Variants in NRAP observed in about 807,000 individuals in gnomAD.
NRAP encodes nebulin related anchoring protein, also known as nebulin-related-anchoring protein.
A neutral mutation model predicts 225.9 loss-of-function variants in NRAP; 189 were observed. The observed-to-expected ratio is 0.84, with a 90% CI of 0.74 to 0.94. The LOEUF is 0.94. Ranked by LOEUF, NRAP falls within the 40% of genes least tolerant of loss-of-function variation. NRAP has a pLI of 0.00. For synonymous variants in NRAP, 769 were observed against 790.7 expected (o/e 0.97, Z 0.46); for missense variants, 2,176 against 2,168.7 (o/e 1.00, Z -0.07).
At chr10:113,647,771 A>T (rs1395266063) in intron 9 of NRAP, among the ~76,000 whole-genome samples, 1 of 152,094 alleles carries the variant, frequency 6.6e-6, no homozygotes, top group Non-Finnish European at 1.5e-5. Flanking sequence ...CAATGTTTGT[A>T]ATATGGGAGG....
rs1847932584 is a variant in NRAP, at chr10:113,620,680, A to T, written c.2798T>A (p.Met933Lys). The stretch of plus-strand genomic sequence containing the variant: ...GGTGGCGACCCAGCCCATGCCTTTC[A>T]TCCACTTCACATCTGCCCTGTATTG... ...DNQYRADVKW[M>K]KGMGWVATGS... Residue 933 changes from methionine (M) to lysine (K), a missense_variant, in exon 25 of 42, where the codon ATG becomes AAG. Transcript: ENST00000359988. 2 of 1,612,672 alleles carry T rather than the reference A, an allele frequency of 1.2e-6. No homozygotes were observed. The highest frequency in any genetic ancestry group is 1.3e-5 in the African/African-American group (1 of 74,710).
intron 38 of NRAP, 92 bp downstream of exon 38, chr10:113,595,531 G>T (rs745599367): frequency 3.9e-6 from 3 of 774,886 alleles, no homozygotes; most frequent in African/African-American, 3.5e-5. Flanking sequence ...CTCCTTCCTA[G>T]AACTTTTTTT....
At chr10:113,597,728 G>T (rs1846364435) in intron 36 of NRAP, among the ~76,000 whole-genome samples, 2 of 152,204 alleles carry the variant, frequency 1.3e-5, no homozygotes, top group South Asian at 4.1e-4. Context: ...GATAACGATT[G>T]TACAAAATGT....
intron 40 of NRAP, among the ~76,000 whole-genome samples, chr10:113,590,070 C>A (rs1339012759): frequency 6.6e-6 from 1 of 152,162 alleles, no homozygotes; most frequent in Non-Finnish European, 1.5e-5. Context: ...GGTAGTGACA[C>A]CTGCTCCACA....
chr10:113,650,293 T>C (rs751364725), intron 8 of NRAP, 145 bp downstream of exon 8: 34 of 768,798 alleles, frequency 4.4e-5, no homozygotes, highest in Non-Finnish European at 6.7e-5. Context: ...GTCATTGTCA[T>C]TGGTAAAATT....
At chr10:113,628,665 A>G (rs1433869077) in intron 20 of NRAP, among the ~76,000 whole-genome samples, 1 of 152,158 alleles carries the variant, frequency 6.6e-6, no homozygotes, top group Non-Finnish European at 1.5e-5. Context: ...ACCTTTCTAA[A>G]CCAAATTATT....
Position 113,589,701 on chromosome 10 carries a change from C to A in NRAP, c.5053G>T (p.Ala1685Ser). ...VEMARRAAEL[A>S]NARGLGLQGA... ...TGGAGACCCAGGCCCCTTGCGTTGGCCAGTTCCGCAGCCCGCCGAGCCATT... is the reference window on the plus strand; with the variant it reads ...TGGAGACCCAGGCCCCTTGCGTTGGACAGTTCCGCAGCCCGCCGAGCCATT... The change falls in exon 41 of 42, where the codon GCC (alanine) becomes TCC (serine). Residue 1685 changes from alanine to serine, a missense_variant. Physicochemically the swap from Ala to Ser is moderately conservative, Grantham distance 99. This residue lies in a region of NRAP where 445 missense variants were observed against 426.1 expected (regional missense o/e 1.04). Coordinates refer to ENST00000359988, the MANE Select transcript of NRAP (RefSeq NM_198060.4). The A allele has an allele frequency of 1.2e-6, 2 of 1,614,128 alleles. No homozygotes were observed. The highest frequency in any genetic ancestry group is 1.7e-6 in the Non-Finnish European group (2 of 1,180,020).
In NRAP at chr10:113,604,684, C is replaced by CTGTGTCCT. The variant is rs762935147; in HGVS notation, c.4144_4151dup (p.Tyr1385GlyfsTer14). The CTGTGTCCT allele has an allele frequency of 1.9e-6, 3 of 1,614,214 alleles. No homozygotes were observed. The highest frequency in any genetic ancestry group is 2.5e-6 in the Non-Finnish European group (3 of 1,180,046). ...CGGGCAGTGCTGTGAACTTGTGATA[C>CTGTGTCCT]TGTGTCCTGTAGTCGTGGTCGCTGG... On this transcript the variant is annotated frameshift_variant, in exon 35 of 42. Coordinates refer to ENST00000359988, the MANE Select transcript of NRAP (RefSeq NM_198060.4). LOFTEE classifies it high-confidence loss of function.
intron 11 of NRAP, among the ~76,000 whole-genome samples, chr10:113,643,486 A>T (rs1003922637): frequency 1.3e-5 from 2 of 152,256 alleles, no homozygotes; most frequent in African/African-American, 4.8e-5. Flanking sequence ...CTATACATTT[A>T]TGATGTATGC....
intron 14 of NRAP, among the ~76,000 whole-genome samples, chr10:113,638,951 A>T (rs1349865227): frequency 6.6e-6 from 1 of 152,182 alleles, no homozygotes; most frequent in Non-Finnish European, 1.5e-5. Flanking sequence ...TGTAGTAGCA[A>T]GTCATGTCAT....
rs35334254 is a variant in NRAP at position 113,610,354 on chromosome 10, T to TA, written c.3603+104dup. On this transcript the variant is annotated intron_variant, in intron 31 of 41. Coordinates refer to ENST00000359988, the MANE Select transcript of NRAP (RefSeq NM_198060.4). ...GACAGAGCGAGACTCCATCTCAAAT[T>TA]AAAAAAAAAAAAAAAAAAAGGAAGA... The TA allele has an allele frequency of 0.091, 36,079 of 396,340 alleles. 400 individuals are homozygous for TA. Among genetic ancestry groups the TA allele is most frequent in the South Asian group, 0.098 (3,519 of 35,898 alleles). The allele number at this position is 396,340 out of a possible 1,614,324, so 24.6% of individuals were successfully genotyped here.
chr10:113,610,378 G>T, intron 31 of NRAP, 81 bp downstream of exon 31: 80 of 544,348 alleles, frequency 1.5e-4, no homozygotes, highest in Non-Finnish European at 2.3e-4. Flanking sequence ...AAAAAAGGAA[G>T]AAAGAAAAAG....
intron 35 of NRAP, among the ~76,000 whole-genome samples, chr10:113,602,400 G>A (rs1360283004): frequency 6.6e-6 from 1 of 152,146 alleles, no homozygotes; most frequent in Non-Finnish European, 1.5e-5. Flanking sequence ...GTCCCTGGTT[G>A]GGCACCAGAG....
In NRAP at chr10:113,650,458, C is replaced by T. The variant is rs751293070; in HGVS notation, c.763G>A (p.Ala255Thr). Residue 255 changes from alanine to threonine, a missense_variant, in exon 8 of 42, where the codon GCC (alanine) becomes ACC (threonine). Around this residue, in one of 3 missense-constraint regions of NRAP, gnomAD observed 1,708 missense variants for 1,695.5 expected, o/e 1.01. Coordinates refer to ENST00000359988, the MANE Select transcript of NRAP (RefSeq NM_198060.4). Reference sequence around the variant, plus strand: ...CTTACATCACTTGCCAGCTCATTGGCTCTTTTGGCTATCTGATAGGCGGGT... The same window carrying T: ...CTTACATCACTTGCCAGCTCATTGGTTCTTTTGGCTATCTGATAGGCGGGT... Reference protein sequence around the residue: ...ITPAYQIAKRANELASDVRYH... With the variant: ...ITPAYQIAKRTNELASDVRYH... 2 of 1,613,300 alleles carry T rather than the reference C, an allele frequency of 1.2e-6. No individual in the cohort carries two copies. Among genetic ancestry groups the T allele is most frequent in the African/African-American group, 1.3e-5 (1 of 75,016 alleles).
Position 113,662,647 on chromosome 10 carries a change from C to T in NRAP, c.255+32G>A, listed in dbSNP as rs752104892. 29 of 1,095,086 alleles carry T rather than the reference C, an allele frequency of 2.6e-5. 1 individual carries two copies. In the South Asian group the frequency reaches 3.5e-4, roughly 13 times the overall value. 67.8% of individuals were successfully genotyped at this position (1,095,086 alleles called of 1,614,324 possible). ...ACCCAGTAACCAATCATTCTCCATA[C>T]CCTCCATCCCACTGAAAATTAAATA... On this transcript the variant is annotated intron_variant, in intron 3 of 41. Coordinates refer to ENST00000359988, the MANE Select transcript of NRAP (RefSeq NM_198060.4).
intron 30 of NRAP, 151 bp from the exon 31 acceptor site, chr10:113,610,714 G>A (rs180748255): frequency 3.5e-6 from 2 of 567,664 alleles, no homozygotes; most frequent in Admixed American, 5.7e-5. Context: ...ATTAAACTCA[G>A]CCAACGCACA....
At chr10:113,609,659 C>T (rs532719213) in intron 31 of NRAP, among the ~76,000 whole-genome samples, 1 of 152,274 alleles carries the variant, frequency 6.6e-6, no homozygotes, top group African/African-American at 2.4e-5. Flanking sequence ...TGCTAATCCT[C>T]ACAAAAATTA....
Position 113,654,108 on chromosome 10 carries a change from T to A in NRAP, c.378A>T (p.Gly126=). The change falls in exon 5 of 42, where the codon GGA becomes GGT. Residue 126 remains glycine (G), a synonymous_variant. Coordinates refer to ENST00000359988, the MANE Select transcript of NRAP (RefSeq NM_198060.4). ...GGCACCAAGCATTCCCTTCCCCATA[T>A]CCAGTCCAATAGGCTCTCTACAAAG... ...PLANERAYWT[G]YGEGNAWCPG... is the part of the protein sequence containing the mutation. The A allele has an allele frequency of 1.9e-6, 3 of 1,611,070 alleles. No homozygotes were observed. The highest frequency in any genetic ancestry group is 2.5e-6 in the Non-Finnish European group (3 of 1,177,404).
chr10:113,647,650 C>T lies in NRAP; in HGVS notation c.889-623G>A, dbSNP rs938840175. On this transcript the variant is annotated intron_variant, in intron 9 of 41. Transcript: ENST00000359988. ...CTCCCCTAGTGGTACTGTCTCCCCC[C>T]GGTGGTACTGCCTCCCCCGGTGGTG... 7.2e-3 allele frequency among the ~76,000 whole-genome samples: 947 copies of T among 132,412 alleles called. 3 individuals are homozygous for T. Among genetic ancestry groups the T allele is most frequent in the Non-Finnish European group, 9.0e-3 (551 of 61,056 alleles). The allele number at this position is 132,412 out of a possible 152,430, so 86.9% of individuals were successfully genotyped here.
Sources: gnomAD v4.1 joint callset for allele counts (sites outside exome capture counted in the v4.1 genomes callset) on GRCh38, gnomAD v4.1.1 for gene constraint, gnomAD v4.1.1 regional missense constraint, MANE v1.5 for transcripts, NCBI Gene and HGNC (gene_info 2026-07-23, HGNC 2026-07-21) for gene names.